The following DSCAM variants were observed in gnomAD, a reference collection of about 807,000 sequenced individuals.
DSCAM encodes the protein DS cell adhesion molecule, also known as cell adhesion molecule DSCAM.
A neutral mutation model predicts 217.7 loss-of-function variants in DSCAM; 47 were observed. The observed-to-expected ratio is 0.22, with a 90% CI of 0.17 to 0.28. The LOEUF (loss-of-function observed/expected upper bound fraction) is 0.28. DSCAM is among the 10% of genes least tolerant of loss of function. The pLI is 1.00. For missense variants in DSCAM, 2,080 were observed against 2,618.3 expected, an observed-to-expected ratio of 0.79 and a Z score of 4.49; for synonymous variants, 1,056 against 1,015.3, an observed-to-expected ratio of 1.04 and a Z score of -0.76.
intron 3 of DSCAM, among the ~76,000 whole-genome samples, chr21:40,685,561 A>G (rs1405943805): frequency 6.6e-6 from 1 of 152,152 alleles, no homozygotes; most frequent in African/African-American, 2.4e-5. Context: ...TGGAGAAATT[A>G]AGTGCTTCCT....
rs1268667981 is a variant in DSCAM, at chr21:40,336,188, C to T, written c.1783+1913G>A. ...TCTGTGCTTGCTTGAGTTGCAAATT[C>T]GACCAGCTGCTTTTCTTCATGGAAT... On this transcript the variant is annotated intron_variant, in intron 8 of 32. Coordinates refer to ENST00000400454, the MANE Select transcript of DSCAM (RefSeq NM_001389.5). Among the ~76,000 whole-genome samples the T allele has an allele frequency of 2.0e-5, 3 of 152,134 alleles. 1 individual carries two copies. The highest frequency in any genetic ancestry group is 2.0e-4 in the Admixed American group (3 of 15,270).
intron 1 of DSCAM, among the ~76,000 whole-genome samples, chr21:40,784,313 C>T (rs2091573789): frequency 6.6e-6 from 1 of 152,040 alleles, no homozygotes; most frequent in Non-Finnish European, 1.5e-5. Flanking sequence ...AGGGGTTACC[C>T]CTTTCGCTAG....
At chr21:40,119,683 C>T (rs1184923365) in intron 20 of DSCAM, among the ~76,000 whole-genome samples, 5 of 149,676 alleles carry the variant, frequency 3.3e-5, no homozygotes, top group African/African-American at 1.2e-4. Context: ...ATAATGGAAG[C>T]TAAGAGAAGG....
In DSCAM at chr21:40,242,912, C is replaced by T. The variant is rs899947163; in HGVS notation, c.2356+33185G>A. Among the ~76,000 whole-genome samples the T allele has an allele frequency of 1.1e-4, 17 of 152,340 alleles. 1 individual carries two copies. Among genetic ancestry groups the T allele is most frequent in the Admixed American group, 2.0e-4 (3 of 15,306 alleles). ...TTTCCCACCACTCATTTCCACCTCA[C>T]GTACAGCTCTTCCAGCCACGACCAG... On this transcript the variant is annotated intron_variant, in intron 11 of 32. Transcript: ENST00000400454.
chr21:40,725,443 C>T (rs1010616624), intron 1 of DSCAM, among the ~76,000 whole-genome samples: 20 of 152,352 alleles, frequency 1.3e-4, no homozygotes, highest in South Asian at 2.1e-4. Context: ...GAATGAAACT[C>T]ACCTGACTTT....
At position 40,758,288 on chromosome 21, in the gene DSCAM, G is replaced by A. The variant is rs540018242; in HGVS notation, c.44-49517C>T. The stretch of plus-strand genomic sequence containing the variant: ...CACCCAATGTGTGGCACTTTGTTAC[G>A]GCTGTCCTAGGACATTAGTGTATAT... On this transcript the variant is annotated intron_variant, in intron 1 of 32. Transcript: ENST00000400454. Among the ~76,000 whole-genome samples the A allele has an allele frequency of 1.1e-4, 17 of 152,224 alleles. 1 individual carries two copies. The highest frequency in any genetic ancestry group is 2.6e-4 in the Admixed American group (4 of 15,292).
intron 18 of DSCAM, among the ~76,000 whole-genome samples, chr21:40,141,656 T>C (rs999096635): frequency 6.6e-6 from 1 of 151,428 alleles, no homozygotes. Context: ...GGGAAGGTAC[T>C]GTCCAGTGAC....
At chr21:40,343,113 TTC>T (rs968950313) in intron 6 of DSCAM, among the ~76,000 whole-genome samples, 4 of 152,186 alleles carry the variant, frequency 2.6e-5, no homozygotes, top group Non-Finnish European at 4.4e-5. Flanking sequence ...CAATTGTTTG[TTC>T]TGAGTATATA....
chr21:40,461,107 T>C (rs760414380), intron 3 of DSCAM, among the ~76,000 whole-genome samples: 8 of 151,702 alleles, frequency 5.3e-5, no homozygotes, highest in Non-Finnish European at 8.8e-5. Context: ...ATAGGAACAA[T>C]GCAGCTGTTT....
At chr21:40,022,041 A>G (rs1568893268) in intron 32 of DSCAM, among the ~76,000 whole-genome samples, 1 of 152,216 alleles carries the variant, frequency 6.6e-6, no homozygotes, top group Non-Finnish European at 1.5e-5. Flanking sequence ...GGCAAAATCA[A>G]TACTGAAATA....
Position 40,179,100 on chromosome 21 carries a change from G to A in DSCAM, c.2780-6C>T, listed in dbSNP as rs1206679461. On this transcript the variant is annotated splice_region_variant and splice_polypyrimidine_tract_variant and intron_variant, in intron 14 of 32. Coordinates refer to ENST00000400454, the MANE Select transcript of DSCAM (RefSeq NM_001389.5). ...CTGAGCAGAATCCCAGGAGTCTTTT[G>A]GGTTTTGTTTTTCAAAAAAGAAGAG... 6.3e-7 allele frequency: 1 copy of A among 1,579,684 alleles called. No individual in the cohort carries two copies. The highest frequency in any genetic ancestry group is 2.4e-5 in the East Asian group (1 of 42,160).
At chr21:40,517,219 T>C (rs1345158493) in intron 3 of DSCAM, among the ~76,000 whole-genome samples, 1 of 149,068 alleles carries the variant, frequency 6.7e-6, no homozygotes, top group Non-Finnish European at 1.5e-5. Context: ...TGCACACATA[T>C]ATATGCATCC....
chr21:40,086,303 G>A (rs981784871), intron 22 of DSCAM, among the ~76,000 whole-genome samples: 2 of 152,192 alleles, frequency 1.3e-5, no homozygotes, highest in Admixed American at 1.3e-4. Context: ...CCACTGCTCC[G>A]GTGGCAGATT....
intron 3 of DSCAM, among the ~76,000 whole-genome samples, chr21:40,462,132 C>A (rs2075810877): frequency 6.6e-6 from 1 of 152,138 alleles, no homozygotes; most frequent in Admixed American, 6.5e-5. Context: ...TAACCCACGT[C>A]TTTCCTCTTG....
intron 1 of DSCAM, among the ~76,000 whole-genome samples, chr21:40,823,644 T>C (rs1289433852): frequency 1.3e-5 from 2 of 152,182 alleles, no homozygotes; most frequent in African/African-American, 4.8e-5. Context: ...TGTAAAATAA[T>C]AGATGGTGAT....
At chr21:40,136,331 G>A (rs2090208733) in intron 18 of DSCAM, among the ~76,000 whole-genome samples, 1 of 152,168 alleles carries the variant, frequency 6.6e-6, no homozygotes, top group South Asian at 2.1e-4. Flanking sequence ...AAACCCAAAT[G>A]TAACCAGACA....
At chr21:40,219,162 T>A (rs1329648281) in intron 11 of DSCAM, among the ~76,000 whole-genome samples, 1 of 152,232 alleles carries the variant, frequency 6.6e-6, no homozygotes, top group Non-Finnish European at 1.5e-5. Context: ...CAATACCTAG[T>A]TTATTGAGAG....
At chr21:40,671,486 C>G (rs1194840118) in intron 3 of DSCAM, among the ~76,000 whole-genome samples, 2 of 150,722 alleles carry the variant, frequency 1.3e-5, no homozygotes, top group African/African-American at 5.0e-5. Flanking sequence ...CCAGCCTGGT[C>G]AACATAGTGA....
At chr21:40,280,593 G>C (rs1439851188) in intron 10 of DSCAM, among the ~76,000 whole-genome samples, 1 of 152,208 alleles carries the variant, frequency 6.6e-6, no homozygotes, top group Non-Finnish European at 1.5e-5. Flanking sequence ...TTTAAAGCAT[G>C]AGAATTTTGG....
Sources: gnomAD v4.1 joint callset for allele counts (sites outside exome capture counted in the v4.1 genomes callset) on GRCh38, gnomAD v4.1.1 for gene constraint, MANE v1.5 for transcripts, NCBI Gene and HGNC (gene_info 2026-07-23, HGNC 2026-07-21) for gene names.